The following HHAT variants were observed in gnomAD, a reference collection of about 807,000 sequenced individuals.
HHAT encodes the protein hedgehog acyltransferase.
Under a neutral mutation model 70.8 loss-of-function variants are expected in HHAT, and 47 were observed. The observed-to-expected ratio is 0.66, with a 90% CI of 0.53 to 0.85. HHAT has a LOEUF of 0.85. Ranked by LOEUF, HHAT falls within the 40% of genes least tolerant of loss-of-function variation. The probability of loss-of-function intolerance (pLI) is 0.00; values close to 1 mark genes in which losing one functional copy is unlikely to be tolerated. For synonymous variants in HHAT, 228 were observed against 247.6 expected (o/e 0.92, Z 0.74); for missense variants, 609 against 604.8 (o/e 1.01, Z -0.07).
chr1:210,546,116 T>C (rs558089444), intron 9 of HHAT, among the ~76,000 whole-genome samples: 8 of 152,328 alleles, frequency 5.3e-5, no homozygotes, highest in African/African-American at 1.7e-4. Context: ...CAGCCAGAAT[T>C]AATTACTCTG....
intron 9 of HHAT, among the ~76,000 whole-genome samples, chr1:210,534,124 A>T (rs1216368644): frequency 2.0e-5 from 3 of 152,044 alleles, no homozygotes; most frequent in African/African-American, 7.2e-5. Flanking sequence ...CCCGCCCCCC[A>T]CCGCCCCACC....
intron 9 of HHAT, among the ~76,000 whole-genome samples, chr1:210,529,302 C>CT: frequency 8.2e-6 from 1 of 121,222 alleles, no homozygotes; most frequent in Non-Finnish European, 1.9e-5. Flanking sequence ...GAGACTTCAT[C>CT]TCAAAAAAAA....
At chr1:210,357,402 T>C (rs1399174292) in intron 2 of HHAT, among the ~76,000 whole-genome samples, 2 of 152,230 alleles carry the variant, frequency 1.3e-5, no homozygotes, top group African/African-American at 2.4e-5. Flanking sequence ...TCTCAGAAGA[T>C]GAAGGATCAC....
At chr1:210,344,546 A>AG (rs1465500279) in intron 1 of HHAT, among the ~76,000 whole-genome samples, 1 of 152,172 alleles carries the variant, frequency 6.6e-6, no homozygotes, top group Non-Finnish European at 1.5e-5. Flanking sequence ...TGTCCAAGGC[A>AG]GGGGGCTCTG....
intron 11 of HHAT, among the ~76,000 whole-genome samples, chr1:210,654,441 C>T (rs971734924): frequency 3.9e-5 from 6 of 152,206 alleles, no homozygotes; most frequent in African/African-American, 1.4e-4. Flanking sequence ...TGTGCCCTGG[C>T]TCTTGGCATA....
intron 4 of HHAT, among the ~76,000 whole-genome samples, chr1:210,392,606 CA>C (rs1260752050): frequency 6.6e-6 from 1 of 152,084 alleles, no homozygotes; most frequent in Non-Finnish European, 1.5e-5. Context: ...TAATCTTCTA[CA>C]AATGTTAAAT....
intron 7 of HHAT, among the ~76,000 whole-genome samples, chr1:210,437,045 C>T (rs971319352): frequency 6.6e-6 from 1 of 151,730 alleles, no homozygotes; most frequent in African/African-American, 2.4e-5. Flanking sequence ...TAGTGAGGTA[C>T]CACTCCCTCT....
At chr1:210,604,738 G>A (rs11119548) in intron 10 of HHAT, among the ~76,000 whole-genome samples, 148,531 of 152,282 alleles carry the variant, frequency 0.98, 72,543 homozygotes, top group East Asian at 1. Flanking sequence ...ATTGAAAGTT[G>A]GATGTAGTGG....
intron 6 of HHAT, among the ~76,000 whole-genome samples, chr1:210,414,535 G>A (rs1332558057): frequency 1.3e-5 from 2 of 152,100 alleles, no homozygotes; most frequent in Admixed American, 1.3e-4. Flanking sequence ...AATTAGTCTA[G>A]CATAAAACAT....
chr1:210,625,524 A>T (rs186909171), intron 11 of HHAT, among the ~76,000 whole-genome samples: 1 of 152,334 alleles, frequency 6.6e-6, no homozygotes, highest in East Asian at 1.9e-4. Context: ...TGCTGGATGT[A>T]TGAGTGAGTT....
At chr1:210,513,896 T>C (rs896457223) in intron 9 of HHAT, among the ~76,000 whole-genome samples, 16 of 152,210 alleles carry the variant, frequency 1.1e-4, no homozygotes, top group African/African-American at 3.6e-4. Flanking sequence ...GCCGAAAGAC[T>C]GCAAGCTAAA....
chr1:210,636,594 C>G (rs1285931663), intron 11 of HHAT, among the ~76,000 whole-genome samples: 1 of 152,162 alleles, frequency 6.6e-6, no homozygotes, highest in African/African-American at 2.4e-5. Context: ...TACTGTCTTT[C>G]CGGAATGTTG....
At chr1:210,567,399 T>G (rs910772328) in intron 9 of HHAT, among the ~76,000 whole-genome samples, 2 of 152,176 alleles carry the variant, frequency 1.3e-5, no homozygotes. Flanking sequence ...ATCTGGAAAT[T>G]AAGGGAGGTG....
At chr1:210,430,218 C>A (rs1410993281) in intron 7 of HHAT, among the ~76,000 whole-genome samples, 1 of 151,846 alleles carries the variant, frequency 6.6e-6, no homozygotes, top group Non-Finnish European at 1.5e-5. Context: ...GCCTCTGTTT[C>A]CTTAGTTTCT....
At chr1:210,329,966 C>A (rs1303246838) in intron 1 of HHAT, among the ~76,000 whole-genome samples, 1 of 152,130 alleles carries the variant, frequency 6.6e-6, no homozygotes, top group African/African-American at 2.4e-5. Flanking sequence ...AGGCTGGTCT[C>A]GAATTCCTGA....
chr1:210,470,009 A>G (rs2094174469), intron 8 of HHAT, among the ~76,000 whole-genome samples: 1 of 152,026 alleles, frequency 6.6e-6, no homozygotes, highest in African/African-American at 2.4e-5. Context: ...ACACCTGGCT[A>G]ATTTTTAAAT....
At chr1:210,606,255 C>T (rs889577690) in intron 10 of HHAT, among the ~76,000 whole-genome samples, 1 of 151,804 alleles carries the variant, frequency 6.6e-6, no homozygotes, top group African/African-American at 2.4e-5. Flanking sequence ...AATATAATAA[C>T]TTCATTTTTT....
intron 9 of HHAT, among the ~76,000 whole-genome samples, chr1:210,587,433 G>A (rs141553536): frequency 7.2e-5 from 11 of 152,128 alleles, no homozygotes; most frequent in East Asian, 3.9e-4. Context: ...CAATTACCTC[G>A]CGCTGGGTCC....
intron 3 of HHAT, among the ~76,000 whole-genome samples, chr1:210,374,643 GAGTAC>G (rs997983276): frequency 4.7e-5 from 7 of 149,466 alleles, no homozygotes; most frequent in Non-Finnish European, 1.1e-4. Context: ...ATGGGACTTG[GAGTAC>G]GATTTGTTAT....
Sources: gnomAD v4.1 joint callset for allele counts (sites outside exome capture counted in the v4.1 genomes callset) on GRCh38, gnomAD v4.1.1 for gene constraint, MANE v1.5 for transcripts, NCBI Gene and HGNC (gene_info 2026-07-23, HGNC 2026-07-21) for gene names.